The following DAB1 variants were observed in gnomAD, a reference collection of about 807,000 sequenced individuals.
DAB1 encodes the protein DAB adaptor protein 1.
DAB1 carries 15 observed loss-of-function variants against 64.6 expected under a neutral mutation model. The ratio of observed to expected loss-of-function variants is 0.23; its 90% CI spans 0.16 to 0.36. The LOEUF is 0.36. DAB1 is among the 10% of genes least tolerant of loss of function. The probability of loss-of-function intolerance (pLI) is 1.00; values close to 1 mark genes in which losing one functional copy is unlikely to be tolerated. For missense variants in DAB1, 596 were observed against 706.7 expected (o/e 0.84, Z 1.78); for synonymous variants, 235 against 251.9 (o/e 0.93, Z 0.64).
intron 6 of DAB1, among the ~76,000 whole-genome samples, chr1:57,730,262 T>C (rs997453847): frequency 1.3e-5 from 2 of 152,110 alleles, no homozygotes; most frequent in Non-Finnish European, 2.9e-5. Flanking sequence ...AAACAAGAGG[T>C]TCAGGGGCAT....
intron 4 of DAB1, among the ~76,000 whole-genome samples, chr1:57,091,995 C>A (rs1356159589): frequency 6.6e-6 from 1 of 152,170 alleles, no homozygotes; most frequent in African/African-American, 2.4e-5. Flanking sequence ...TCAGATGCAT[C>A]ATTGACTCTC....
intron 2 of DAB1, among the ~76,000 whole-genome samples, chr1:58,519,471 G>A (rs902650264): frequency 7.2e-5 from 11 of 152,110 alleles, no homozygotes; most frequent in Non-Finnish European, 1.6e-4. Flanking sequence ...CAATCTTACA[G>A]TAGAGCTCAT....
intron 6 of DAB1, among the ~76,000 whole-genome samples, chr1:57,710,158 C>T (rs1647011376): frequency 6.6e-6 from 1 of 151,924 alleles, no homozygotes; most frequent in Non-Finnish European, 1.5e-5. Context: ...TGACTCTCAC[C>T]CATGTCAATT....
At chr1:57,252,420 GGA>G (rs1413756121) in intron 2 of DAB1, among the ~76,000 whole-genome samples, 1 of 152,150 alleles carries the variant, frequency 6.6e-6, no homozygotes, top group African/African-American at 2.4e-5. Context: ...ACTATTTCAA[GGA>G]GACTGTAAAT....
chr1:57,522,054 G>A (rs1644533333), intron 7 of DAB1, among the ~76,000 whole-genome samples: 1 of 152,042 alleles, frequency 6.6e-6, no homozygotes. Flanking sequence ...AGGTTGCAGT[G>A]AGCTGAGATC....
chr1:58,039,437 G>C (rs937705127), intron 5 of DAB1, among the ~76,000 whole-genome samples: 1 of 152,194 alleles, frequency 6.6e-6, no homozygotes, highest in Non-Finnish European at 1.5e-5. Context: ...TGCCTTGAGT[G>C]TGCACCCCCA....
At chr1:57,506,247 T>C (rs1174812262) in intron 7 of DAB1, among the ~76,000 whole-genome samples, 2 of 152,130 alleles carry the variant, frequency 1.3e-5, no homozygotes, top group Non-Finnish European at 2.9e-5. Context: ...AATATGGAGC[T>C]TTATTTATAG....
At chr1:57,540,373 T>C (rs1644787243) in intron 7 of DAB1, among the ~76,000 whole-genome samples, 1 of 152,158 alleles carries the variant, frequency 6.6e-6, no homozygotes, top group Admixed American at 6.5e-5. Flanking sequence ...ACAACCACTA[T>C]GGAAAACAGT....
At chr1:58,028,900 G>C (rs1302986105) in intron 5 of DAB1, among the ~76,000 whole-genome samples, 1 of 152,112 alleles carries the variant, frequency 6.6e-6, no homozygotes, top group East Asian at 1.9e-4. Context: ...TCCATCCAAA[G>C]ACCCATGTTA....
At chr1:57,103,389 G>T (rs1472109400) in intron 4 of DAB1, among the ~76,000 whole-genome samples, 1 of 152,168 alleles carries the variant, frequency 6.6e-6, no homozygotes, top group Non-Finnish European at 1.5e-5. Flanking sequence ...CTCACTGACT[G>T]GCTGTTCTTC....
At chr1:58,203,307 T>C (rs1164968689) in intron 4 of DAB1, among the ~76,000 whole-genome samples, 1 of 152,236 alleles carries the variant, frequency 6.6e-6, no homozygotes, top group Admixed American at 6.5e-5. Flanking sequence ...ATTAGGAATA[T>C]CTGGGCTTTA....
chr1:58,485,594 C>G (rs1645563533), intron 3 of DAB1, among the ~76,000 whole-genome samples: 2 of 152,038 alleles, frequency 1.3e-5, no homozygotes, highest in South Asian at 4.1e-4. Flanking sequence ...GTCTTGGTAA[C>G]TTATTTTTTC....
At chr1:57,770,441 AT>A (rs1001757114) in intron 6 of DAB1, among the ~76,000 whole-genome samples, 2 of 151,690 alleles carry the variant, frequency 1.3e-5, no homozygotes, top group Non-Finnish European at 2.9e-5. Flanking sequence ...TTAATTTTTA[AT>A]TTTTTTGTAG....
At chr1:57,659,415 G>T (rs867395457) in intron 6 of DAB1, among the ~76,000 whole-genome samples, 1 of 152,126 alleles carries the variant, frequency 6.6e-6, no homozygotes, top group African/African-American at 2.4e-5. Context: ...TAATGTTAAC[G>T]CAAGGAAAGC....
At position 58,220,884 on chromosome 1, in the gene DAB1, C is replaced by CACAG. The variant is rs1659128332; in HGVS notation, n.310-70297_310-70296insCTGT. Among the ~76,000 whole-genome samples the CACAG allele has an allele frequency of 4.0e-5, 6 of 151,678 alleles. No homozygotes were observed. In the South Asian group the frequency reaches 1.0e-3, roughly 26 times the overall value. ...ATATATACATATATACACACACACA[C>CACAG]ACACACATATATATATTATCAATGT... On this transcript the variant is annotated intron_variant and non_coding_transcript_variant, in intron 4 of 20. Transcript: ENST00000485760.
chr1:57,760,845 A>G (rs1214128905), intron 6 of DAB1, among the ~76,000 whole-genome samples: 2 of 152,158 alleles, frequency 1.3e-5, no homozygotes, highest in Non-Finnish European at 2.9e-5. Flanking sequence ...TTCTGCAAAC[A>G]AATTTGAAGA....
chr1:57,387,916 T>G (rs1369029851), intron 1 of DAB1, among the ~76,000 whole-genome samples: 4 of 151,488 alleles, frequency 2.6e-5, no homozygotes, highest in Non-Finnish European at 5.9e-5. Context: ...AAGATGAAAT[T>G]AAGTGTCTTC....
At chr1:58,017,173 T>C (rs753680758) in intron 5 of DAB1, among the ~76,000 whole-genome samples, 13 of 151,934 alleles carry the variant, frequency 8.6e-5, no homozygotes, top group Non-Finnish European at 1.3e-4. Flanking sequence ...GACCACGTTG[T>C]CACTTTGGGA....
intron 7 of DAB1, among the ~76,000 whole-genome samples, chr1:57,491,830 C>T (rs967898327): frequency 1.3e-5 from 2 of 152,248 alleles, no homozygotes. Flanking sequence ...GAGCTCTTTG[C>T]AGCCCAGTTT....
Sources: gnomAD v4.1 joint callset for allele counts (sites outside exome capture counted in the v4.1 genomes callset) on GRCh38, gnomAD v4.1.1 for gene constraint, MANE v1.5 for transcripts, NCBI Gene and HGNC (gene_info 2026-07-23, HGNC 2026-07-21) for gene names.